RASAL2: variants seen among roughly 807,000 people sequenced by gnomAD.
The protein encoded by RASAL2 is RAS protein activator like 2, also known as ras GTPase-activating protein nGAP.
A neutral mutation model predicts 128.9 loss-of-function variants in RASAL2; 58 were observed. The observed-to-expected ratio is 0.45, with a 90% CI of 0.36 to 0.56. The LOEUF is 0.56. Ranked by LOEUF, RASAL2 falls within the 20% of genes least tolerant of loss-of-function variation. RASAL2 has a pLI of 0.00. For synonymous variants in RASAL2, 561 were observed against 580.8 expected (o/e 0.97, Z 0.49); for missense variants, 1,360 against 1,601.6 (o/e 0.85, Z 2.57).
chr1:178,376,378 C>T (rs1277437612), intron 3 of RASAL2, among the ~76,000 whole-genome samples: 1 of 152,114 alleles, frequency 6.6e-6, no homozygotes, highest in Non-Finnish European at 1.5e-5. Context: ...CTGACAGAAA[C>T]ATGTACCCTG....
intron 1 of RASAL2, among the ~76,000 whole-genome samples, chr1:178,261,152 C>A (rs1665675752): frequency 6.6e-6 from 1 of 152,082 alleles, no homozygotes; most frequent in African/African-American, 2.4e-5. Flanking sequence ...TTTTCCTTGC[C>A]AGTTTCCAAT....
chr1:178,228,417 T>C (rs1211821789), intron 1 of RASAL2, among the ~76,000 whole-genome samples: 2 of 151,914 alleles, frequency 1.3e-5, no homozygotes, highest in African/African-American at 2.4e-5. Context: ...CCGTCTCTAC[T>C]TAAAATACAA....
chr1:178,132,144 C>T (rs1660142585), intron 1 of RASAL2, among the ~76,000 whole-genome samples: 1 of 151,982 alleles, frequency 6.6e-6, no homozygotes, highest in African/African-American at 2.4e-5. Context: ...GGGCTGTAGC[C>T]ATCCTCCTAC....
chr1:178,284,420 T>G (rs1557876530), intron 2 of RASAL2, among the ~76,000 whole-genome samples: 1 of 152,308 alleles, frequency 6.6e-6, no homozygotes, highest in East Asian at 1.9e-4. Context: ...TTTTGATGTA[T>G]TCTGTAGAGG....
chr1:178,138,770 G>A (rs1417679984), intron 1 of RASAL2, among the ~76,000 whole-genome samples: 1 of 152,010 alleles, frequency 6.6e-6, no homozygotes, highest in East Asian at 1.9e-4. Context: ...CTGATCATCC[G>A]AATGGAGTTG....
chr1:178,468,905 C>T (rs1383829233), intron 17 of RASAL2, among the ~76,000 whole-genome samples: 1 of 152,130 alleles, frequency 6.6e-6, no homozygotes, highest in Non-Finnish European at 1.5e-5. Context: ...TTCAATATAA[C>T]AATATAAAGC....
intron 2 of RASAL2, among the ~76,000 whole-genome samples, chr1:178,289,308 G>T (rs74131307): frequency 0.037 from 5,577 of 152,056 alleles, 328 homozygotes; most frequent in African/African-American, 0.13. Context: ...TGCCTCTCTG[G>T]AAGTTTCTTT....
chr1:178,413,431 AAC>A (rs1674543096), intron 4 of RASAL2, among the ~76,000 whole-genome samples: 2 of 146,554 alleles, frequency 1.4e-5, no homozygotes, highest in South Asian at 2.1e-4. Context: ...ACAGTCCAGA[AAC>A]ACAGACTCAT....
chr1:178,104,240 C>T (rs533934825), intron 1 of RASAL2, among the ~76,000 whole-genome samples: 19 of 152,148 alleles, frequency 1.2e-4, no homozygotes, highest in Middle Eastern at 3.4e-3. Flanking sequence ...CCAGCTTTTT[C>T]GCACTGATTT....
At chr1:178,427,193 A>G (rs1207276343) in intron 5 of RASAL2, among the ~76,000 whole-genome samples, 1 of 152,186 alleles carries the variant, frequency 6.6e-6, no homozygotes, top group East Asian at 1.9e-4. Flanking sequence ...GTGTTGGGAC[A>G]CAAAAAGACT....
At chr1:178,205,301 A>G (rs569905555) in intron 1 of RASAL2, among the ~76,000 whole-genome samples, 18 of 152,162 alleles carry the variant, frequency 1.2e-4, no homozygotes, top group Admixed American at 9.8e-4. Flanking sequence ...CACTGTGCCC[A>G]GCCCAGAAAA....
At chr1:178,166,957 G>A (rs1221720946) in intron 1 of RASAL2, among the ~76,000 whole-genome samples, 3 of 152,010 alleles carry the variant, frequency 2.0e-5, no homozygotes, top group Admixed American at 1.3e-4. Flanking sequence ...TCATTTTTAA[G>A]TTAACTTTCA....
rs541502449 is a variant in RASAL2 at position 178,241,184 on chromosome 1, C to T, written c.203-42380C>T. Among the ~76,000 whole-genome samples, 9 of 151,752 alleles carry T rather than the reference C, an allele frequency of 5.9e-5. No homozygotes were observed. In the East Asian group the frequency reaches 1.7e-3, roughly 29 times the overall value. ...TGCTATATAATTACAACTTAAATAC[C>T]CTAAATGAGTATTATTGATGTGATT... is the stretch of plus-strand genomic sequence containing the variant. On this transcript the variant is annotated intron_variant, in intron 1 of 17. Transcript: ENST00000367649.
At chr1:178,160,924 C>A (rs1008465339) in intron 1 of RASAL2, among the ~76,000 whole-genome samples, 7 of 152,290 alleles carry the variant, frequency 4.6e-5, no homozygotes, top group African/African-American at 1.7e-4. Context: ...GAATTTGACA[C>A]TTCTGACCCT....
rs529803166 is a variant in RASAL2 at position 178,237,005 on chromosome 1, C to T, written c.203-46559C>T. 2.0e-5 allele frequency among the ~76,000 whole-genome samples: 3 copies of T among 152,000 alleles called. No homozygotes were observed. The East Asian group carries it at 5.8e-4, about 30-fold the overall frequency. On this transcript the variant is annotated intron_variant, in intron 1 of 17. Coordinates refer to ENST00000367649, the MANE Select transcript of RASAL2 (RefSeq NM_170692.4). The stretch of plus-strand genomic sequence containing the variant: ...TCTCGAACTTCTGATCTCAGGTGAT[C>T]CACCCGCCTCAGCCTCCGAAAATGC...
At chr1:178,268,731 C>T (rs892525197) in intron 1 of RASAL2, among the ~76,000 whole-genome samples, 6 of 152,086 alleles carry the variant, frequency 3.9e-5, no homozygotes, top group East Asian at 1.9e-4. Flanking sequence ...GTAGCTAGGA[C>T]GACAGGCATG....
At chr1:178,292,976 A>G (rs1020573969) in intron 2 of RASAL2, among the ~76,000 whole-genome samples, 6 of 152,166 alleles carry the variant, frequency 3.9e-5, no homozygotes, top group Admixed American at 3.3e-4. Context: ...AAGTGTTTAC[A>G]CTCAGATATG....
intron 1 of RASAL2, among the ~76,000 whole-genome samples, chr1:178,164,823 T>TTGTGTGTGTGTG (rs200932615): frequency 2.3e-5 from 3 of 132,000 alleles, no homozygotes; most frequent in South Asian, 2.5e-4. Context: ...CATCAAACGT[T>TTGTGTGTGTGTG]TGTGTGTGTG....
chr1:178,452,264 A>G (rs1205304388), intron 10 of RASAL2, 152 bp from the exon 11 acceptor site: 12 of 682,628 alleles, frequency 1.8e-5, no homozygotes, highest in Non-Finnish European at 3.1e-5. Context: ...CCTCTCAGCC[A>G]TGAATCAGGT....
Sources: gnomAD v4.1 joint callset for allele counts (sites outside exome capture counted in the v4.1 genomes callset) on GRCh38, gnomAD v4.1.1 for gene constraint, MANE v1.5 for transcripts, NCBI Gene and HGNC (gene_info 2026-07-23, HGNC 2026-07-21) for gene names.